ACSM3: variants seen among roughly 807,000 people sequenced by gnomAD.
The protein encoded by ACSM3 is acyl-coenzyme A synthetase ACSM3, mitochondrial.
A neutral mutation model predicts 74.1 loss-of-function variants in ACSM3; 61 were observed. The ratio of observed to expected loss-of-function variants is 0.82; its 90% CI spans 0.67 to 1.02. ACSM3 has a LOEUF of 1.02. ACSM3 is among the 50% of genes least tolerant of loss of function. ACSM3 has a pLI of 0.00. For synonymous variants in ACSM3, 213 were observed against 241.5 expected, an observed-to-expected ratio of 0.88 and a Z score of 1.09; for missense variants, 660 against 697.0, an observed-to-expected ratio of 0.95 and a Z score of 0.60.
At chr16:20,738,297 A>C in intron 1 of ACSM3, 1 of 422,792 alleles carries the variant, frequency 2.4e-6, no homozygotes, top group South Asian at 1.8e-5. Context: ...ATTAAACAGT[A>C]CACACTTTTT....
intron 1 of ACSM3, among the ~76,000 whole-genome samples, chr16:20,715,182 A>G (rs541755266): frequency 6.6e-6 from 1 of 152,302 alleles, no homozygotes; most frequent in Non-Finnish European, 1.5e-5. Context: ...ACACATACCA[A>G]TTTGACTCTA....
intron 2 of ACSM3, among the ~76,000 whole-genome samples, chr16:20,774,278 T>C (rs980275011): frequency 1.4e-5 from 2 of 145,942 alleles, no homozygotes; most frequent in Admixed American, 1.4e-4. Flanking sequence ...CGTCTCACTC[T>C]GTCACCAGGC....
chr16:20,698,086 C>T (rs536969195), intron 1 of ACSM3, among the ~76,000 whole-genome samples: 2 of 148,670 alleles, frequency 1.3e-5, no homozygotes, highest in South Asian at 2.2e-4. Context: ...CCCAGCTACT[C>T]GGGAGGCTGA....
At chr16:20,682,163 T>C (rs1177593275) in intron 1 of ACSM3, 6 of 1,245,018 alleles carry the variant, frequency 4.8e-6, no homozygotes, top group Non-Finnish European at 5.7e-6. Flanking sequence ...AAATAATAAA[T>C]ACATCCTCCT....
chr16:20,744,172 G>C (rs1335734959), intron 1 of ACSM3, among the ~76,000 whole-genome samples: 1 of 152,180 alleles, frequency 6.6e-6, no homozygotes, highest in Non-Finnish European at 1.5e-5. Context: ...GTTAGCATTA[G>C]TATATTTTAT....
chr16:20,718,471 A>G, intron 1 of ACSM3: 1 of 455,362 alleles, frequency 2.2e-6, no homozygotes, highest in Middle Eastern at 3.3e-4. Context: ...CAGCTTCAGC[A>G]TTGGGTTCAC....
At chr16:20,742,815 T>TATATATATATATA (rs1567334289) in intron 1 of ACSM3, among the ~76,000 whole-genome samples, 71 of 47,068 alleles carry the variant, frequency 1.5e-3, no homozygotes, top group Middle Eastern at 8.2e-3. Flanking sequence ...ATATATATAT[T>TATATATATATATA]TTTTTTTTTT....
intron 1 of ACSM3, among the ~76,000 whole-genome samples, chr16:20,699,341 T>A (rs2079706573): frequency 6.6e-6 from 1 of 152,180 alleles, no homozygotes; most frequent in Non-Finnish European, 1.5e-5. Flanking sequence ...ATCTCCAGTA[T>A]TTTCATTGAA....
upstream of ACSM3, among the ~76,000 whole-genome samples, chr16:20,762,950 G>A (rs530287710): frequency 1.1e-4 from 16 of 152,272 alleles, no homozygotes; most frequent in African/African-American, 3.9e-4. Flanking sequence ...GAAATAAAAC[G>A]CATATAGATC....
At chr16:20,729,135 G>A in intron 1 of ACSM3, 1 of 533,486 alleles carries the variant, frequency 1.9e-6, no homozygotes, top group Non-Finnish European at 3.4e-6. Flanking sequence ...ATTTCCTTTA[G>A]AAGTACAATT....
chr16:20,792,432 C>T, intron 12 of ACSM3, 97 bp downstream of exon 12: 1 of 1,564,548 alleles, frequency 6.4e-7, no homozygotes. Context: ...CCAAATGATT[C>T]ATTTACTAAA....
At chr16:20,746,967 C>G (rs2079960431) in intron 1 of ACSM3, among the ~76,000 whole-genome samples, 1 of 152,188 alleles carries the variant, frequency 6.6e-6, no homozygotes, top group South Asian at 2.1e-4. Context: ...ACATACAAGT[C>G]TTTCTTCTTA....
At chr16:20,732,719 T>C (rs1292130289) in intron 1 of ACSM3, among the ~76,000 whole-genome samples, 1 of 152,138 alleles carries the variant, frequency 6.6e-6, no homozygotes, top group African/African-American at 2.4e-5. Flanking sequence ...ACCCCCAAGA[T>C]GGAGCTACAC....
intron 8 of ACSM3, 149 bp downstream of exon 8, chr16:20,785,256 A>AGGTTC: frequency 1.9e-6 from 2 of 1,077,726 alleles, no homozygotes; most frequent in Non-Finnish European, 2.6e-6. Context: ...CAAGAACCTA[A>AGGTTC]TTGCAAAAAA....
chr16:20,763,258 A>C (rs552656537), upstream of ACSM3, among the ~76,000 whole-genome samples: 20 of 152,368 alleles, frequency 1.3e-4, no homozygotes, highest in Non-Finnish European at 2.1e-4. Context: ...AAGTTAAAAA[A>C]TGGTAAAAGA....
At chr16:20,727,433 G>A in intron 1 of ACSM3, 1 of 528,134 alleles carries the variant, frequency 1.9e-6, no homozygotes, top group Non-Finnish European at 3.7e-6. Flanking sequence ...AAACTGGGCT[G>A]GAGCTACATG....
intron 1 of ACSM3, among the ~76,000 whole-genome samples, chr16:20,764,522 G>A (rs917957410): frequency 2.0e-5 from 3 of 152,106 alleles, no homozygotes; most frequent in Admixed American, 6.5e-5. Flanking sequence ...CCAGGAGTTC[G>A]AGACCAGCTT....
At chr16:20,711,753 G>C (rs917948330) in intron 1 of ACSM3, 1 of 393,670 alleles carries the variant, frequency 2.5e-6, no homozygotes, top group Non-Finnish European at 4.9e-6. Context: ...GAATATCTTT[G>C]CCTCCAAGGA....
At chr16:20,688,694 G>A (rs11643793) in intron 1 of ACSM3, among the ~76,000 whole-genome samples, 18,158 of 151,894 alleles carry the variant, frequency 0.12, 1,232 homozygotes, top group East Asian at 0.21. Context: ...AAGTAAAGGG[G>A]AAATTAGGGT....
Sources: allele counts gnomAD v4.1 joint callset (sites outside exome capture counted in the v4.1 genomes callset), GRCh38; gene constraint gnomAD v4.1.1; transcripts MANE v1.5; gene names NCBI Gene and HGNC (gene_info 2026-07-23, HGNC 2026-07-21).